Variants in EVL observed in about 807,000 individuals in gnomAD.
EVL encodes ena/VASP-like protein.
A neutral mutation model predicts 59.6 loss-of-function variants in EVL; 21 were observed. The observed-to-expected ratio is 0.35, with a 90% CI of 0.25 to 0.51. EVL has a LOEUF of 0.51. EVL is among the 20% of genes least tolerant of loss of function. The pLI is 0.97. For missense variants in EVL, 462 were observed against 546.6 expected, an observed-to-expected ratio of 0.85 and a Z score of 1.54; for synonymous variants, 198 against 203.5, an observed-to-expected ratio of 0.97 and a Z score of 0.23.
intron 1 of EVL, among the ~76,000 whole-genome samples, chr14:100,007,135 G>A (rs2060987600): frequency 6.6e-6 from 1 of 152,102 alleles, no homozygotes. Flanking sequence ...CTGACGATAT[G>A]TGCTCATGGT....
chr14:100,129,786 G>T lies in EVL; in HGVS notation c.839+102G>T, dbSNP rs922427261. The T allele has an allele frequency of 4.2e-5, 59 of 1,412,594 alleles. 1 individual carries two copies. The South Asian group carries it at 7.1e-4, about 17-fold the overall frequency. The allele number at this position is 1,412,594 out of a possible 1,614,324, so 87.5% of individuals were successfully genotyped here. A position where few individuals can be genotyped will look rare whatever the true frequency, so the allele number is the denominator to read the frequency against. ...ATCCTCTCTTGACCCCAGAATCTTTGTTCCCTGGGTTTAGCCAAGCAGGGG... is the reference window on the plus strand; with the variant it reads ...ATCCTCTCTTGACCCCAGAATCTTTTTTCCCTGGGTTTAGCCAAGCAGGGG... On this transcript the variant is annotated intron_variant, in intron 7 of 13. Coordinates refer to ENST00000392920, the MANE Select transcript of EVL (RefSeq NM_016337.3).
intron 1 of EVL, among the ~76,000 whole-genome samples, chr14:99,976,903 T>G (rs1188515554): frequency 6.6e-6 from 1 of 152,252 alleles, no homozygotes; most frequent in African/African-American, 2.4e-5. Flanking sequence ...AGGCTCTGAC[T>G]TGCTTTCCTC....
chr14:100,094,153 C>T (rs1310980800), intron 2 of EVL, among the ~76,000 whole-genome samples: 3 of 152,194 alleles, frequency 2.0e-5, no homozygotes, highest in Non-Finnish European at 4.4e-5. Flanking sequence ...TCCTCGGCTT[C>T]TAAATCCAAT....
At chr14:100,060,157 G>A (rs982430947) in intron 1 of EVL, among the ~76,000 whole-genome samples, 11 of 151,712 alleles carry the variant, frequency 7.3e-5, no homozygotes, top group Middle Eastern at 6.5e-3. Context: ...AGTGCCGGGC[G>A]CGGTGGCTCA....
intron 1 of EVL, among the ~76,000 whole-genome samples, chr14:99,987,085 A>G (rs2060844359): frequency 6.6e-6 from 1 of 152,230 alleles, no homozygotes; most frequent in African/African-American, 2.4e-5. Context: ...GTTTCTGCTG[A>G]AAATGGTACC....
chr14:100,064,513 A>G (rs1158688072), upstream of EVL, among the ~76,000 whole-genome samples: 1 of 152,230 alleles, frequency 6.6e-6, no homozygotes, highest in Admixed American at 6.5e-5. Flanking sequence ...AGTATTCCTC[A>G]AGTGTTTTCC....
chr14:100,115,263 CCTGGAAGCTGGAGA>C (rs536540248), intron 3 of EVL, among the ~76,000 whole-genome samples: 42 of 152,304 alleles, frequency 2.8e-4, no homozygotes, highest in African/African-American at 9.4e-4. Context: ...GGTGTCCTGG[CCTGGAAGCTGGAGA>C]CTGGGTCTAG....
At chr14:100,003,142 G>A (rs1000895512) in intron 1 of EVL, among the ~76,000 whole-genome samples, 6 of 152,032 alleles carry the variant, frequency 3.9e-5, no homozygotes, top group African/African-American at 1.4e-4. Context: ...ACAATCTCAC[G>A]CACCCCCCTC....
At chr14:100,046,828 C>T (rs1263818987) in intron 1 of EVL, among the ~76,000 whole-genome samples, 1 of 149,200 alleles carries the variant, frequency 6.7e-6, no homozygotes, top group Non-Finnish European at 1.5e-5. Context: ...CCTCGGCTCA[C>T]TGCAACCTCC....
At chr14:99,973,381 T>C (rs1036461113) in intron 1 of EVL, among the ~76,000 whole-genome samples, 1 of 152,238 alleles carries the variant, frequency 6.6e-6, no homozygotes, top group East Asian at 1.9e-4. Context: ...TGTTGACTGA[T>C]GAGGCTGAAC....
At chr14:100,044,617 AAGG>A (rs1383846757) in intron 1 of EVL, among the ~76,000 whole-genome samples, 1 of 152,070 alleles carries the variant, frequency 6.6e-6, no homozygotes, top group Non-Finnish European at 1.5e-5. Context: ...AATGTGATCC[AAGG>A]AGTGCCACAG....
chr14:100,106,203 G>T (rs1230308281), intron 3 of EVL: 1 of 152,228 alleles, frequency 6.6e-6, no homozygotes, highest in East Asian at 1.9e-4. Flanking sequence ...ACCAAAACAT[G>T]CAGTTGAAAA....
chr14:100,079,910 T>C (rs2062256360), intron 1 of EVL, among the ~76,000 whole-genome samples: 2 of 152,144 alleles, frequency 1.3e-5, no homozygotes, highest in Admixed American at 6.5e-5. Flanking sequence ...TGCATCCTCC[T>C]GAGTAGCTGG....
intron 1 of EVL, among the ~76,000 whole-genome samples, chr14:100,045,599 C>A (rs994333938): frequency 1.3e-5 from 2 of 152,240 alleles, no homozygotes; most frequent in East Asian, 3.8e-4. Context: ...GATTAATCTT[C>A]CATTTTGTCA....
intron 2 of EVL, among the ~76,000 whole-genome samples, chr14:100,086,055 G>C (rs917564517): frequency 2.0e-5 from 3 of 152,202 alleles, no homozygotes; most frequent in African/African-American, 4.8e-5. Flanking sequence ...CGTGAACCCA[G>C]GAGGCAGAGC....
At chr14:100,087,102 A>G (rs2062461380) in intron 2 of EVL, among the ~76,000 whole-genome samples, 1 of 152,218 alleles carries the variant, frequency 6.6e-6, no homozygotes, top group Non-Finnish European at 1.5e-5. Flanking sequence ...CTTTATGGTT[A>G]ATGGAGCACT....
intron 1 of EVL, among the ~76,000 whole-genome samples, chr14:99,996,967 A>G (rs953503797): frequency 6.6e-6 from 1 of 152,210 alleles, no homozygotes; most frequent in Admixed American, 6.5e-5. Flanking sequence ...CTCTTTTTAT[A>G]GGGGAAGAAC....
At chr14:100,135,690 GCCTTCC>G (rs1487041124) in intron 8 of EVL, 5 of 537,156 alleles carry the variant, frequency 9.3e-6, no homozygotes, top group Non-Finnish European at 1.7e-5. Flanking sequence ...GCTCCCTGTA[GCCTTCC>G]CCTTCCCCAG....
At chr14:100,064,826 C>G (rs1266733773), upstream of EVL, among the ~76,000 whole-genome samples, 1 of 152,216 alleles carries the variant, frequency 6.6e-6, no homozygotes, top group African/African-American at 2.4e-5. Flanking sequence ...AGGAGAATCG[C>G]TTGAACCCAG....
Sources: allele counts gnomAD v4.1 joint callset (sites outside exome capture counted in the v4.1 genomes callset), GRCh38; gene constraint gnomAD v4.1.1; transcripts MANE v1.5; gene names NCBI Gene and HGNC (gene_info 2026-07-23, HGNC 2026-07-21).